Variants in RAPGEF5 observed in about 807,000 individuals in gnomAD.
RAPGEF5 encodes Rap guanine nucleotide exchange factor 5, also known as M-Ras-regulated GEF.
RAPGEF5 carries 65 observed loss-of-function variants against 125.2 expected under a neutral mutation model. That is an observed-to-expected ratio of 0.52 (90% CI 0.43 to 0.64). The LOEUF (loss-of-function observed/expected upper bound fraction) is 0.64, where lower values mean the gene tolerates loss of function less well. RAPGEF5 is among the 30% of genes least tolerant of loss of function. The pLI is 0.00. For synonymous variants in RAPGEF5, 391 were observed against 385.9 expected, an observed-to-expected ratio of 1.01 and a Z score of -0.16; for missense variants, 958 against 1,048.1, an observed-to-expected ratio of 0.91 and a Z score of 1.19.
At position 22,125,558 on chromosome 7, in the gene RAPGEF5, C is replaced by G. The variant is rs529580676; in HGVS notation, c.2536+46G>C. ...CAATACTTGTGACCACAGTTGGTAC[C>G]AACGTAGAGTCAATTTACATTCCGC... On this transcript the variant is annotated intron_variant, in intron 25 of 25. Transcript: ENST00000665637. 1.9e-6 allele frequency: 3 copies of G among 1,542,764 alleles called. No homozygotes were observed. In the Admixed American group the frequency reaches 5.0e-5, roughly 26 times the overall value.
At chr7:22,302,420 A>G (rs954950485) in intron 5 of RAPGEF5, among the ~76,000 whole-genome samples, 3 of 152,224 alleles carry the variant, frequency 2.0e-5, no homozygotes, top group Non-Finnish European at 4.4e-5. Flanking sequence ...GACCACCAGC[A>G]TTAATCAAGC....
At chr7:22,262,400 AT>A (rs1246335284) in intron 7 of RAPGEF5, among the ~76,000 whole-genome samples, 2 of 152,174 alleles carry the variant, frequency 1.3e-5, no homozygotes, top group African/African-American at 2.4e-5. Flanking sequence ...AAAATTAAAA[AT>A]AATAATAATA....
chr7:22,145,186 T>C lies in RAPGEF5; in HGVS notation c.2044A>G (p.Ser682Gly). The change falls in exon 20 of 26, where the codon AGT (serine) becomes GGT (glycine). Residue 682 changes from serine to glycine, a missense_variant. Ser to Gly is a moderately conservative substitution (Grantham distance 56). Coordinates refer to ENST00000665637, the MANE Select transcript of RAPGEF5 (RefSeq NM_012294.5). ...LIYFTFSRQG[S>G]GEHTANLSLL... ...CTGAGATTTGCAGTGTGTTCCCCAC[T>C]TCCCTGTCTGCTGAACGTGAAGTAG... The C allele has an allele frequency of 6.2e-7, 1 of 1,613,202 alleles. No homozygotes were observed.
intron 8 of RAPGEF5, among the ~76,000 whole-genome samples, chr7:22,227,773 T>C (rs1785955871): frequency 6.6e-6 from 1 of 152,124 alleles, no homozygotes; most frequent in African/African-American, 2.4e-5. Flanking sequence ...GCCCAGGAGG[T>C]TGAGGCTGCA....
intron 6 of RAPGEF5, among the ~76,000 whole-genome samples, chr7:22,273,751 A>G (rs1391053851): frequency 2.6e-5 from 4 of 152,240 alleles, no homozygotes; most frequent in Non-Finnish European, 5.9e-5. Flanking sequence ...ATAGTTGAGT[A>G]CAAGCATACT....
intron 1 of RAPGEF5, among the ~76,000 whole-genome samples, chr7:22,342,296 G>A (rs1302337479): frequency 6.6e-6 from 1 of 152,212 alleles, no homozygotes; most frequent in African/African-American, 2.4e-5. Context: ...ACAGCACATG[G>A]ACCCTGGGCC....
chr7:22,257,983 C>T (rs1028330283), intron 7 of RAPGEF5, among the ~76,000 whole-genome samples: 4 of 152,094 alleles, frequency 2.6e-5, no homozygotes, highest in African/African-American at 7.2e-5. Flanking sequence ...GAATTATATG[C>T]ATTGGTAAAC....
rs1378448419 is a variant in RAPGEF5 at position 22,122,230 on chromosome 7, C to G, written c.*176G>C. The G allele has an allele frequency of 3.5e-5, 20 of 568,036 alleles. No homozygotes were observed. Among genetic ancestry groups the G allele is most frequent in the South Asian group, 3.4e-4 (15 of 44,334 alleles). The allele number at this position is 568,036 out of a possible 1,614,324, so 35.2% of individuals were successfully genotyped here. A position where few individuals can be genotyped will look rare whatever the true frequency, so the allele number is the denominator to read the frequency against. On this transcript the variant is annotated 3_prime_UTR_variant, in exon 26 of 26. Transcript: ENST00000665637. ...GAGTAGCATGGAGAAACCTCTCCCCCTCTCTGGTGGCTGACATCACTTCCT... is the reference window on the plus strand; with the variant it reads ...GAGTAGCATGGAGAAACCTCTCCCCGTCTCTGGTGGCTGACATCACTTCCT...
chr7:22,154,275 C>T (rs1436583833), intron 17 of RAPGEF5, among the ~76,000 whole-genome samples, 180 bp downstream of exon 17: 1 of 152,136 alleles, frequency 6.6e-6, no homozygotes, highest in African/African-American at 2.4e-5. Context: ...TTCAGTATCC[C>T]ACAGTACCCA....
intron 5 of RAPGEF5, among the ~76,000 whole-genome samples, chr7:22,303,100 G>A (rs1028538727): frequency 6.6e-6 from 1 of 152,126 alleles, no homozygotes; most frequent in Non-Finnish European, 1.5e-5. Flanking sequence ...GCCCAAACAA[G>A]GTAGTGTTAG....
chr7:22,263,671 A>G (rs35273114), intron 7 of RAPGEF5, among the ~76,000 whole-genome samples: 3 of 152,260 alleles, frequency 2.0e-5, no homozygotes, highest in Middle Eastern at 3.4e-3. Context: ...CAGAGGTTGC[A>G]GTGAGCCGAA....
chr7:22,198,212 G>A (rs1164370658), intron 9 of RAPGEF5, among the ~76,000 whole-genome samples: 1 of 152,156 alleles, frequency 6.6e-6, no homozygotes, highest in Non-Finnish European at 1.5e-5. Context: ...ACAGCCCAGA[G>A]AGAAGGGACA....
intron 18 of RAPGEF5, among the ~76,000 whole-genome samples, chr7:22,150,101 A>G (rs1371733516): frequency 1.6e-5 from 2 of 127,518 alleles, no homozygotes; most frequent in African/African-American, 3.0e-5. Context: ...TTTTTTTGAG[A>G]CAAGGTCCTA....
At chr7:22,168,339 C>A (rs1453669681) in intron 11 of RAPGEF5, among the ~76,000 whole-genome samples, 1 of 152,164 alleles carries the variant, frequency 6.6e-6, no homozygotes, top group East Asian at 1.9e-4. Flanking sequence ...GGCCTATGAA[C>A]CAGGAAGCAG....
chr7:22,310,057 C>G lies in RAPGEF5; in HGVS notation c.423G>C (p.Trp141Cys). The G allele has an allele frequency of 6.3e-7, 1 of 1,596,272 alleles. No homozygotes were observed. The highest frequency in any genetic ancestry group is 8.5e-7 in the Non-Finnish European group (1 of 1,173,504). ...GGACGAAAGGACAGTGTTCTAGAAG[C>G]CAGTCTACCAGCTCTGACCCAACGC... ...RSCVGSELVD[W>C]LLEHCPFVQC... Residue 141 changes from tryptophan to cysteine, a missense_variant, in exon 4 of 26, where the codon TGG (tryptophan) becomes TGC (cysteine). Trp to Cys is a radical substitution (Grantham distance 215). Coordinates refer to ENST00000665637, the MANE Select transcript of RAPGEF5 (RefSeq NM_012294.5).
intron 16 of RAPGEF5, 120 bp from the exon 17 acceptor site, chr7:22,154,724 G>A (rs1583421205): frequency 9.4e-7 from 1 of 1,065,624 alleles, no homozygotes; most frequent in East Asian, 2.4e-5. Flanking sequence ...ATTCTCTTCA[G>A]TATAACACAT....
At chr7:22,341,962 G>A (rs183621711) in intron 1 of RAPGEF5, among the ~76,000 whole-genome samples, 1 of 152,256 alleles carries the variant, frequency 6.6e-6, no homozygotes, top group Non-Finnish European at 1.5e-5. Context: ...TCCACTAGGT[G>A]GTAGAGAGCT....
intron 24 of RAPGEF5, among the ~76,000 whole-genome samples, chr7:22,129,982 C>T (rs1782865270): frequency 2.6e-5 from 4 of 152,160 alleles, no homozygotes; most frequent in Admixed American, 2.6e-4. Context: ...CTCAGCAGGA[C>T]TCATCAGTTC....
intron 11 of RAPGEF5, among the ~76,000 whole-genome samples, chr7:22,171,903 T>C (rs897325235): frequency 1.2e-4 from 18 of 152,320 alleles, no homozygotes; most frequent in Non-Finnish European, 2.5e-4. Flanking sequence ...CAAAATAAAA[T>C]AATACTTTCG....
Sources: allele counts gnomAD v4.1 joint callset (sites outside exome capture counted in the v4.1 genomes callset), GRCh38; gene constraint gnomAD v4.1.1; transcripts MANE v1.5; gene names NCBI Gene and HGNC (gene_info 2026-07-23, HGNC 2026-07-21).